ITGA11: variants seen among roughly 807,000 people sequenced by gnomAD.
ITGA11 encodes integrin subunit alpha 11.
A neutral mutation model predicts 141.9 loss-of-function variants in ITGA11; 97 were observed. The ratio of observed to expected loss-of-function variants is 0.68; its 90% CI spans 0.58 to 0.81. ITGA11 has a LOEUF of 0.81. Among genes scored for constraint, ITGA11 ranks in the 30% least tolerant of loss-of-function variants. The probability of loss-of-function intolerance (pLI) is 0.00; values close to 1 mark genes in which losing one functional copy is unlikely to be tolerated. For synonymous variants in ITGA11, 658 were observed against 624.6 expected, an observed-to-expected ratio of 1.05 and a Z score of -0.80; for missense variants, 1,387 against 1,559.2, an observed-to-expected ratio of 0.89 and a Z score of 1.86.
At chr15:68,403,297 G>A (rs112684856) in intron 1 of ITGA11, among the ~76,000 whole-genome samples, 32 of 152,284 alleles carry the variant, frequency 2.1e-4, no homozygotes, top group African/African-American at 7.2e-4. Context: ...CAAATCTGAC[G>A]TTGAAACAGG....
At chr15:68,380,403 G>T (rs898605563) in intron 2 of ITGA11, among the ~76,000 whole-genome samples, 1 of 152,192 alleles carries the variant, frequency 6.6e-6, no homozygotes, top group Non-Finnish European at 1.5e-5. Context: ...TCTGTTCAAA[G>T]AAATAATTAA....
intron 15 of ITGA11, among the ~76,000 whole-genome samples, 161 bp downstream of exon 15, chr15:68,330,820 C>G (rs1255653392): frequency 6.6e-6 from 1 of 152,022 alleles, no homozygotes; most frequent in African/African-American, 2.4e-5. Context: ...ACTGATTCCA[C>G]CAAAAGGAAA....
chr15:68,310,805 G>T (rs1035755708), intron 26 of ITGA11, among the ~76,000 whole-genome samples, 189 bp downstream of exon 26: 1 of 152,194 alleles, frequency 6.6e-6, no homozygotes, highest in Non-Finnish European at 1.5e-5. Flanking sequence ...CCTGTGAGAC[G>T]GGGGACTCAC....
At position 68,328,448 on chromosome 15, in the gene ITGA11, C is replaced by G. The variant is rs900530957; in HGVS notation, c.1902-186G>C. 6.6e-6 allele frequency among the ~76,000 whole-genome samples: 1 copy of G among 152,026 alleles called. No homozygotes were observed. The highest frequency in any genetic ancestry group is 6.5e-5 in the Admixed American group (1 of 15,278). ...TCGGATGTCAAAGGACTGGCAAGAG[C>G]GAGCACGGGGCGAAAGGGGCTCAGC... is the stretch of plus-strand genomic sequence containing the variant. On this transcript the variant is annotated intron_variant, in intron 15 of 29. Transcript: ENST00000315757. The surrounding 1 kb of genome is among the most constrained non-coding windows in gnomAD (Gnocchi z 4.8).
At chr15:68,317,227 C>T (rs1384224357) in intron 21 of ITGA11, 38 bp downstream of exon 21, 6 of 1,426,092 alleles carry the variant, frequency 4.2e-6, no homozygotes, top group East Asian at 4.5e-5. Flanking sequence ...CTCCCAGTGC[C>T]CACCCTGACC....
rs371997023 is a variant in ITGA11 at position 68,303,523 on chromosome 15, CT to C, written c.3495+248del. On this transcript the variant is annotated intron_variant, in intron 29 of 29. Coordinates refer to ENST00000315757, the MANE Select transcript of ITGA11 (RefSeq NM_001004439.2). This position sits in a 1 kb window ranked among gnomAD's most constrained non-coding sequence, Gnocchi z 5.3. ...AATTTTGTGCAGTTGTTTGTACTTGCTTTTTTTTTTTTTCTCTAATAATAGG... is the reference window on the plus strand; with the variant it reads ...AATTTTGTGCAGTTGTTTGTACTTGCTTTTTTTTTTTTCTCTAATAATAGG... Among the ~76,000 whole-genome samples the C allele has an allele frequency of 9.8e-3, 1,410 of 144,198 alleles. 10 individuals are homozygous for C. Among genetic ancestry groups the C allele is most frequent in the African/African-American group, 0.026 (1,036 of 39,760 alleles). The allele number at this position is 144,198 out of a possible 152,430, so 94.6% of individuals were successfully genotyped here.
chr15:68,307,822 G>T lies in ITGA11; in HGVS notation c.3175-126C>A, dbSNP rs1567121276. ...GCAGAGGACAGGGGACAAAGAGAAA[G>T]TTGGGAGTGGGGGACATGTGCATTG... On this transcript the variant is annotated intron_variant, in intron 26 of 29. Transcript: ENST00000315757. This position sits in a 1 kb window ranked among gnomAD's most constrained non-coding sequence, Gnocchi z 6.1. 3.1e-6 allele frequency: 2 copies of T among 636,948 alleles called. No individual in the cohort carries two copies. Among genetic ancestry groups the T allele is most frequent in the East Asian group, 5.5e-5 (2 of 36,576 alleles). The allele number at this position is 636,948 out of a possible 1,614,324, so 39.5% of individuals were successfully genotyped here.
At chr15:68,374,592 G>A (rs936482435) in intron 2 of ITGA11, among the ~76,000 whole-genome samples, 1 of 152,246 alleles carries the variant, frequency 6.6e-6, no homozygotes, top group African/African-American at 2.4e-5. Context: ...GGCCCAGTCA[G>A]GCTTTTACAG....
chr15:68,404,302 G>A (rs1046694290), intron 1 of ITGA11, among the ~76,000 whole-genome samples: 1 of 152,096 alleles, frequency 6.6e-6, no homozygotes, highest in Non-Finnish European at 1.5e-5. Context: ...GTCTGGCTTC[G>A]GCAGGGGCTT....
At chr15:68,375,090 G>A (rs1895694886) in intron 2 of ITGA11, among the ~76,000 whole-genome samples, 1 of 152,096 alleles carries the variant, frequency 6.6e-6, no homozygotes, top group African/African-American at 2.4e-5. Flanking sequence ...TGCTCAGAGA[G>A]GAGTGAGGCC....
intron 1 of ITGA11, among the ~76,000 whole-genome samples, chr15:68,415,791 C>T (rs1896874618): frequency 6.6e-6 from 1 of 152,234 alleles, no homozygotes; most frequent in Non-Finnish European, 1.5e-5. Context: ...TAGGTGAGTT[C>T]CAGGGTCTGC....
intron 1 of ITGA11, among the ~76,000 whole-genome samples, chr15:68,429,960 A>G (rs2140448406): frequency 6.6e-6 from 1 of 151,970 alleles, no homozygotes; most frequent in Middle Eastern, 3.4e-3. Context: ...GGTTTCCCCA[A>G]GCCATTCACT....
chr15:68,357,590 A>G (rs758701959), intron 6 of ITGA11, among the ~76,000 whole-genome samples: 29 of 152,268 alleles, frequency 1.9e-4, no homozygotes, highest in Non-Finnish European at 3.5e-4. Context: ...AAACAAAAGC[A>G]GAGCAGAGAA....
In ITGA11 at chr15:68,326,432, G is replaced by A. The variant is rs1893973266; in HGVS notation, c.2211+222C>T. 6.6e-6 allele frequency among the ~76,000 whole-genome samples: 1 copy of A among 152,122 alleles called. No individual in the cohort carries two copies. Among genetic ancestry groups the A allele is most frequent in the African/African-American group, 2.4e-5 (1 of 41,430 alleles). ...TCCCTTCGGCATCTGAGAGTGGCAG[G>A]AGAAGAGGTTTTGGAAGGATGTCTA... On this transcript the variant is annotated intron_variant, in intron 17 of 29. Coordinates refer to ENST00000315757, the MANE Select transcript of ITGA11 (RefSeq NM_001004439.2). This position sits in a 1 kb window ranked among gnomAD's most constrained non-coding sequence, Gnocchi z 6.8.
At chr15:68,376,205 A>G (rs1242992571) in intron 2 of ITGA11, among the ~76,000 whole-genome samples, 1 of 147,452 alleles carries the variant, frequency 6.8e-6, no homozygotes, top group Non-Finnish European at 1.5e-5. Flanking sequence ...CTGAGGCTCT[A>G]GATCACCTCA....
intron 10 of ITGA11, among the ~76,000 whole-genome samples, chr15:68,341,687 G>A (rs535455472): frequency 6.6e-6 from 1 of 152,318 alleles, no homozygotes; most frequent in Middle Eastern, 3.4e-3. Context: ...TGCCTGTTGA[G>A]TCCAAGTTTG....
intron 2 of ITGA11, among the ~76,000 whole-genome samples, chr15:68,373,116 T>A (rs1043020096): frequency 1.3e-5 from 2 of 152,128 alleles, no homozygotes; most frequent in Non-Finnish European, 2.9e-5. Flanking sequence ...ACCCTGGAGA[T>A]CATCCCTTTA....
At chr15:68,357,370 G>T in intron 6 of ITGA11, 71 bp from the exon 7 acceptor site, 1 of 1,538,610 alleles carries the variant, frequency 6.5e-7, no homozygotes, top group Non-Finnish European at 8.8e-7. Flanking sequence ...ATTTGAGAGT[G>T]AGGATCCCCG....
chr15:68,358,337 C>T, intron 6 of ITGA11, 121 bp downstream of exon 6: 2 of 1,123,558 alleles, frequency 1.8e-6, no homozygotes, highest in Non-Finnish European at 1.2e-6. Flanking sequence ...GCCCTACTAC[C>T]TCTGCCCTCT....
Sources: gnomAD v4.1 joint callset for allele counts (sites outside exome capture counted in the v4.1 genomes callset) on GRCh38, gnomAD v4.1.1 for gene constraint, Gnocchi (gnomAD v3.1) non-coding constraint, MANE v1.5 for transcripts, NCBI Gene and HGNC (gene_info 2026-07-23, HGNC 2026-07-21) for gene names.